The following USP38 variants were observed in gnomAD, a reference collection of about 807,000 sequenced individuals.
USP38 encodes ubiquitin specific peptidase 38.
USP38 carries 49 observed loss-of-function variants against 94.3 expected under a neutral mutation model. The observed-to-expected ratio is 0.52, with a 90% CI of 0.41 to 0.66. The LOEUF (loss-of-function observed/expected upper bound fraction) is 0.66. Among genes scored for constraint, USP38 ranks in the 30% least tolerant of loss-of-function variants. USP38 has a pLI of 0.00. For missense variants in USP38, 1,128 were observed against 1,229.4 expected, an observed-to-expected ratio of 0.92 and a Z score of 1.23; for synonymous variants, 468 against 463.6, an observed-to-expected ratio of 1.01 and a Z score of -0.12.
intron 2 of USP38, among the ~76,000 whole-genome samples, chr4:143,192,757 C>T (rs901202921): frequency 6.6e-6 from 1 of 151,910 alleles, no homozygotes; most frequent in South Asian, 2.1e-4. Context: ...TTTTAACATA[C>T]GAATTTTGGA....
Position 143,185,558 on chromosome 4 carries a change from G to A in USP38, c.108G>A (p.Ala36=), listed in dbSNP as rs751421400. Residue 36 remains alanine, a synonymous_variant, in exon 1 of 10, where the codon GCG becomes GCA. Transcript: ENST00000307017. ...VESAEHWLDE[A]QCEAMFDLTT... ...CGGCGGAGCACTGGCTAGACGAGGCGCAGTGCGAGGCCATGTTTGACCTGA... is the reference window on the plus strand; with the variant it reads ...CGGCGGAGCACTGGCTAGACGAGGCACAGTGCGAGGCCATGTTTGACCTGA... 6.2e-7 allele frequency: 1 copy of A among 1,614,116 alleles called. No homozygotes were observed. The highest frequency in any genetic ancestry group is 1.7e-5 in the Admixed American group (1 of 60,020).
chr4:143,209,233 C>T (rs938141844), intron 6 of USP38, among the ~76,000 whole-genome samples: 54 of 152,256 alleles, frequency 3.5e-4, no homozygotes, highest in African/African-American at 1.3e-3. Context: ...TTCTTCCCTT[C>T]CTTCTTTACT....
rs543980251 is a variant in USP38, at chr4:143,210,266, C to T, written c.1497+609C>T. 7.2e-5 allele frequency among the ~76,000 whole-genome samples: 11 copies of T among 152,246 alleles called. No individual in the cohort carries two copies. In the South Asian group the frequency reaches 1.9e-3, roughly 26 times the overall value. ...CACTCAACAGACATTTATTAAGAGA[C>T]GCTATATGCAGTCAGTGATAAGCAT... On this transcript the variant is annotated intron_variant, in intron 7 of 9. Coordinates refer to ENST00000307017, the MANE Select transcript of USP38 (RefSeq NM_032557.6).
rs1284496313 is a variant in USP38, at chr4:143,184,957, C to T, written c.-494C>T. On this transcript the variant is annotated 5_prime_UTR_variant, in exon 1 of 10. Transcript: ENST00000307017. ...TCAAAGGGTGTCGCTTCGGTCTCTT[C>T]TCCCCGGCTGATCCCAGCACTCTCC... 7 of 153,920 alleles carry T rather than the reference C, an allele frequency of 4.5e-5. No individual in the cohort carries two copies. The highest frequency in any genetic ancestry group is 4.0e-4 in the South Asian group (2 of 5,044). The allele number at this position is 153,920 out of a possible 1,614,324, so 9.5% of individuals were successfully genotyped here.
rs1416000859 is a variant in USP38 at position 143,221,453 on chromosome 4, A to C, written c.*997A>C. ...GTAAAAAATCTGTCTTGATTTTGTTACTTATTCCTCAGAATATTAAACATT... is the reference window on the plus strand; with the variant it reads ...GTAAAAAATCTGTCTTGATTTTGTTCCTTATTCCTCAGAATATTAAACATT... On this transcript the variant is annotated 3_prime_UTR_variant, in exon 10 of 10. Transcript: ENST00000307017. 1.3e-5 allele frequency: 2 copies of C among 152,586 alleles called. No homozygotes were observed. Among genetic ancestry groups the C allele is most frequent in the Non-Finnish European group, 2.9e-5 (2 of 67,974 alleles). 9.5% of individuals were successfully genotyped at this position (152,586 alleles called of 1,614,324 possible).
chr4:143,193,092 A>G (rs1370353925), intron 2 of USP38, among the ~76,000 whole-genome samples: 2 of 152,180 alleles, frequency 1.3e-5, no homozygotes, highest in Non-Finnish European at 2.9e-5. Context: ...CAAAGAATCC[A>G]CAGAGCCAAG....
intron 1 of USP38, among the ~76,000 whole-genome samples, chr4:143,186,626 A>G (rs1402712696): frequency 6.6e-6 from 1 of 152,166 alleles, no homozygotes; most frequent in Non-Finnish European, 1.5e-5. Context: ...AAGTTTTTAA[A>G]TAGTGACATT....
intron 4 of USP38, among the ~76,000 whole-genome samples, chr4:143,200,939 T>C (rs1411630060): frequency 1.3e-5 from 2 of 152,168 alleles, no homozygotes; most frequent in African/African-American, 4.8e-5. Context: ...ATCATTAAAA[T>C]GGCCGTACTG....
At position 143,221,985 on chromosome 4, in the gene USP38, G is replaced by C. The variant is rs1427935311; in HGVS notation, c.*1529G>C. The C allele has an allele frequency of 6.6e-6, 1 of 152,016 alleles. No homozygotes were observed. The highest frequency in any genetic ancestry group is 1.5e-5 in the Non-Finnish European group (1 of 67,944). 9.4% of individuals were successfully genotyped at this position (152,016 alleles called of 1,614,324 possible). ...CTCCTCCTTATAAATGAATGAACCA[G>C]TTATCATGCTTTTCTGTGGTTTTCC... On this transcript the variant is annotated 3_prime_UTR_variant, in exon 10 of 10. Transcript: ENST00000307017.
rs1023123817 is a variant in USP38, at chr4:143,220,762, G to T, written c.*306G>T. 4.6e-5 allele frequency: 9 copies of T among 194,764 alleles called. No individual in the cohort carries two copies. Among genetic ancestry groups the T allele is most frequent in the Non-Finnish European group, 7.2e-5 (7 of 96,794 alleles). The allele number at this position is 194,764 out of a possible 1,614,324, so 12.1% of individuals were successfully genotyped here. On this transcript the variant is annotated 3_prime_UTR_variant, in exon 10 of 10. Transcript: ENST00000307017. ...TTAAATTTGGTAGAAGCATTTAAAT[G>T]GTCTATCTTCAGTTTTACTGAACAA...
chr4:143,203,915 A>G (rs1731788066), intron 5 of USP38, among the ~76,000 whole-genome samples: 1 of 152,128 alleles, frequency 6.6e-6, no homozygotes, highest in Non-Finnish European at 1.5e-5. Context: ...TGTAGAGTAC[A>G]TCTTAGAATA....
At position 143,214,292 on chromosome 4, in the gene USP38, G is replaced by A; in HGVS notation, c.2316G>A (p.Gln772=). ...ILTLLRFSYD[Q]KYHVRRKILD... is the part of the protein sequence containing the mutation. The stretch of plus-strand genomic sequence containing the variant: ...CTCTCCTGAGATTTTCATATGATCA[G>A]AAGTATCATGTGAGAAGGAAAATTT... The change falls in exon 9 of 10, where the codon CAG becomes CAA. Residue 772 remains glutamine, a synonymous_variant. Transcript: ENST00000307017. 6.2e-7 allele frequency: 1 copy of A among 1,613,062 alleles called. No individual in the cohort carries two copies. Among genetic ancestry groups the A allele is most frequent in the Non-Finnish European group, 8.5e-7 (1 of 1,179,664 alleles).
chr4:143,186,165 A>C (rs1731217777), intron 1 of USP38, 33 bp downstream of exon 1: 1 of 1,591,100 alleles, frequency 6.3e-7, no homozygotes, highest in South Asian at 1.1e-5. Context: ...ATATCTCATA[A>C]AAAATCAGTA....
Position 143,220,923 on chromosome 4 carries a change from G to T in USP38, c.*467G>T, listed in dbSNP as rs1732308657. The T allele has an allele frequency of 6.6e-6, 1 of 152,374 alleles. No individual in the cohort carries two copies. Among genetic ancestry groups the T allele is most frequent in the South Asian group, 2.1e-4 (1 of 4,832 alleles). 9.4% of individuals were successfully genotyped at this position (152,374 alleles called of 1,614,324 possible). The stretch of plus-strand genomic sequence containing the variant: ...TTCAAGTCCTTGAAAATCAACTAGA[G>T]ATTATAAAGTCTCTAAAGAAGGCAA... On this transcript the variant is annotated 3_prime_UTR_variant, in exon 10 of 10. Coordinates refer to ENST00000307017, the MANE Select transcript of USP38 (RefSeq NM_032557.6).
chr4:143,209,555 C>A lies in USP38; in HGVS notation c.1404-9C>A. The A allele has an allele frequency of 6.8e-7, 1 of 1,465,386 alleles. No individual in the cohort carries two copies. Among genetic ancestry groups the A allele is most frequent in the Non-Finnish European group, 9.5e-7 (1 of 1,053,800 alleles). 90.8% of individuals were successfully genotyped at this position (1,465,386 alleles called of 1,614,324 possible). On this transcript the variant is annotated splice_polypyrimidine_tract_variant and intron_variant, in intron 6 of 9. Coordinates refer to ENST00000307017, the MANE Select transcript of USP38 (RefSeq NM_032557.6). Reference sequence around the variant, plus strand: ...GCACATATATATAAATCATTATATTCTCTTTCAGTTTCAGGAGACAAGTAT... The same window carrying A: ...GCACATATATATAAATCATTATATTATCTTTCAGTTTCAGGAGACAAGTAT...
intron 9 of USP38, among the ~76,000 whole-genome samples, chr4:143,216,784 CTTATAT>C (rs1016196222): frequency 1.3e-5 from 2 of 151,222 alleles, no homozygotes; most frequent in African/African-American, 2.4e-5. Context: ...CAATTAGGAA[CTTATAT>C]TTAGATTGTG....
intron 2 of USP38, among the ~76,000 whole-genome samples, chr4:143,193,021 G>A (rs1274553863): frequency 1.3e-5 from 2 of 152,146 alleles, no homozygotes; most frequent in Non-Finnish European, 2.9e-5. Context: ...GACTGGCCTT[G>A]AGACCTGTAT....
intron 3 of USP38, among the ~76,000 whole-genome samples, chr4:143,196,748 A>G (rs1307640229): frequency 6.6e-6 from 1 of 152,226 alleles, no homozygotes; most frequent in East Asian, 1.9e-4. Context: ...CTTGAACTCC[A>G]TATTCATGTA....
intron 2 of USP38, among the ~76,000 whole-genome samples, chr4:143,194,739 C>G (rs1480166335): frequency 1.3e-5 from 2 of 152,178 alleles, no homozygotes. Context: ...AACTTCTGAC[C>G]TCTGGTGATC....
Sources: gnomAD v4.1 joint callset for allele counts (sites outside exome capture counted in the v4.1 genomes callset) on GRCh38, gnomAD v4.1.1 for gene constraint, MANE v1.5 for transcripts, NCBI Gene and HGNC (gene_info 2026-07-23, HGNC 2026-07-21) for gene names.